Variants in MTRR observed in about 807,000 individuals in gnomAD.
MTRR encodes 5-methyltetrahydrofolate-homocysteine methyltransferase reductase.
MTRR carries 63 observed loss-of-function variants against 79.2 expected under a neutral mutation model. The ratio of observed to expected loss-of-function variants is 0.80; its 90% CI spans 0.65 to 0.98. The LOEUF is 0.98. Among genes scored for constraint, MTRR ranks in the 50% least tolerant of loss-of-function variants. The probability of loss-of-function intolerance (pLI) is 0.00; values close to 1 mark genes in which losing one functional copy is unlikely to be tolerated. For missense variants in MTRR, 895 were observed against 839.6 expected, an observed-to-expected ratio of 1.07 and a Z score of -0.82; for synonymous variants, 355 against 313.3, an observed-to-expected ratio of 1.13 and a Z score of -1.41.
intron 4 of MTRR, 128 bp downstream of exon 4, chr5:7,875,503 A>G: frequency 1.1e-6 from 1 of 890,762 alleles, no homozygotes; most frequent in South Asian, 1.3e-5. Context: ...TCGCTTTTTT[A>G]GCTTTAGGAT....
chr5:7,894,785 C>T (rs138561153), intron 11 of MTRR, among the ~76,000 whole-genome samples: 2,548 of 152,294 alleles, frequency 0.017, 33 homozygotes, highest in Non-Finnish European at 0.025. Flanking sequence ...ATTTTCTTTT[C>T]CTTCCACTAG....
upstream of MTRR, chr5:7,867,288 A>G (rs185535191): frequency 6.2e-7 from 1 of 1,613,624 alleles, no homozygotes; most frequent in South Asian, 1.1e-5. Flanking sequence ...TTTTCAGTAC[A>G]TGCCTGCAAG....
upstream of MTRR, chr5:7,868,226 A>G (rs1747193345): frequency 1.7e-6 from 1 of 600,044 alleles, no homozygotes; most frequent in Non-Finnish European, 2.8e-6. Context: ...AAAAAAAAGG[A>G]TGGTTAACAT....
chr5:7,868,139 A>C, upstream of MTRR: 1 of 1,185,844 alleles, frequency 8.4e-7, no homozygotes. Context: ...CACATGGTTA[A>C]ATACATTGAG....
At position 7,880,888 on chromosome 5, in the gene MTRR, T is replaced by C. The variant is rs546959737; in HGVS notation, c.781-2267T>C. 5.3e-5 allele frequency among the ~76,000 whole-genome samples: 8 copies of C among 152,296 alleles called. No homozygotes were observed. The South Asian group carries it at 1.7e-3, about 32-fold the overall frequency. On this transcript the variant is annotated intron_variant, in intron 5 of 14. Coordinates refer to ENST00000440940, the MANE Select transcript of MTRR (RefSeq NM_002454.3). Reference sequence around the variant, plus strand: ...GGTAACAACATTCATTTGAACCCCCTCTTAACAGACCCTGGAATGTTTGCA... The same window carrying C: ...GGTAACAACATTCATTTGAACCCCCCCTTAACAGACCCTGGAATGTTTGCA...
chr5:7,872,831 C>G lies in MTRR; in HGVS notation c.130-542C>G, dbSNP rs545391202. On this transcript the variant is annotated intron_variant, in intron 2 of 14. Coordinates refer to ENST00000440940, the MANE Select transcript of MTRR (RefSeq NM_002454.3). ...CCCATCCCCATTTTAACACCTCTTT[C>G]CTTGCTTTTTTTTACTTTCTTATGA... 8.5e-5 allele frequency among the ~76,000 whole-genome samples: 13 copies of G among 152,258 alleles called. No homozygotes were observed. In the South Asian group the frequency reaches 1.9e-3, roughly 22 times the overall value.
At position 7,896,708 on chromosome 5, in the gene MTRR, G is replaced by A. The variant is rs956462316; in HGVS notation, c.1677-156G>A. 36 of 691,952 alleles carry A rather than the reference G, an allele frequency of 5.2e-5. 4 individuals carry two copies. In the South Asian group the frequency reaches 6.2e-4, roughly 12 times the overall value. 42.9% of individuals were successfully genotyped at this position (691,952 alleles called of 1,614,324 possible). A position where few individuals can be genotyped will look rare whatever the true frequency, so the allele number is the denominator to read the frequency against. ...TCTGCTCGAGTGGCCATGACAGCCT[G>A]TGGAGAGTAAAATGCTAATTAAATG... On this transcript the variant is annotated intron_variant, in intron 12 of 14. Transcript: ENST00000440940.
chr5:7,870,353 C>T, intron 1 of MTRR: 1 of 212,034 alleles, frequency 4.7e-6, no homozygotes, highest in Non-Finnish European at 9.6e-6. Flanking sequence ...CTATTTAAGA[C>T]TGTTGTGAAT....
chr5:7,861,365 T>C (rs1746518016), intron 1 of MTRR: 1 of 621,408 alleles, frequency 1.6e-6, no homozygotes, highest in East Asian at 3.0e-5. Context: ...TGGCTATTAC[T>C]ATGTGCCAAT....
chr5:7,861,559 G>A (rs1746538640), intron 1 of MTRR: 2 of 1,524,278 alleles, frequency 1.3e-6, no homozygotes, highest in Non-Finnish European at 1.8e-6. Flanking sequence ...CTTGTAATGT[G>A]AAAAACACAA....
intron 10 of MTRR, 37 bp downstream of exon 10, chr5:7,891,451 T>C: frequency 1.3e-6 from 2 of 1,548,902 alleles, no homozygotes; most frequent in African/African-American, 2.7e-5. Flanking sequence ...TAGCATTGTT[T>C]CTCCAAAATC....
chr5:7,862,909 C>T (rs1356735865), intron 2 of MTRR: 8 of 1,614,054 alleles, frequency 5.0e-6, no homozygotes, highest in Non-Finnish European at 6.8e-6. Flanking sequence ...CTTCACATAT[C>T]TATAAAGCTG....
intron 1 of MTRR, among the ~76,000 whole-genome samples, chr5:7,854,401 C>G (rs976204190): frequency 6.6e-6 from 1 of 151,902 alleles, no homozygotes. Flanking sequence ...GGAGTATTAA[C>G]TCACGTGATC....
intron 8 of MTRR, among the ~76,000 whole-genome samples, chr5:7,887,460 GT>G (rs1217078375): frequency 6.6e-6 from 1 of 150,984 alleles, no homozygotes; most frequent in Non-Finnish European, 1.5e-5. Flanking sequence ...TTTTCGTGTC[GT>G]TTTATTAATG....
rs1720073454 is a variant in MTRR at position 7,895,628 on chromosome 5, T to C, written c.1558-106T>C. On this transcript the variant is annotated intron_variant, in intron 11 of 14. Coordinates refer to ENST00000440940, the MANE Select transcript of MTRR (RefSeq NM_002454.3). Reference sequence around the variant, plus strand: ...GATGCCACTATTTAGTGATGTTTCTTTGATGGGAATTTTCCCTTTCTGATT... The same window carrying C: ...GATGCCACTATTTAGTGATGTTTCTCTGATGGGAATTTTCCCTTTCTGATT... 3 of 1,430,596 alleles carry C rather than the reference T, an allele frequency of 2.1e-6. No homozygotes were observed. The African/African-American group carries it at 4.2e-5, about 20-fold the overall frequency. 88.6% of individuals were successfully genotyped at this position (1,430,596 alleles called of 1,614,324 possible). A position where few individuals can be genotyped will look rare whatever the true frequency, so the allele number is the denominator to read the frequency against.
intron 1 of MTRR, among the ~76,000 whole-genome samples, chr5:7,856,129 G>A (rs568955372): frequency 1.7e-4 from 26 of 152,278 alleles, no homozygotes; most frequent in Non-Finnish European, 3.5e-4. Context: ...CTAAGAAGCC[G>A]ATTCAGGTCC....
chr5:7,859,599 T>G, intron 1 of MTRR: 1 of 1,097,454 alleles, frequency 9.1e-7, no homozygotes, highest in Admixed American at 2.2e-5. Flanking sequence ...TTCCTCTGGC[T>G]ATTGGTTACT....
upstream of MTRR, among the ~76,000 whole-genome samples, chr5:7,864,397 G>A (rs955768083): frequency 7.2e-5 from 11 of 152,022 alleles, no homozygotes; most frequent in African/African-American, 2.7e-4. Flanking sequence ...TCATGCTCTT[G>A]AGATAGGAAC....
rs1188849432 is a variant in MTRR, at chr5:7,870,931, C to A, written c.129+8C>A. ...ATTAGTGAATCCGATAAGGTTAGAG[C>A]CGTTACAGTGGATTTTACCGTTTTG... On this transcript the variant is annotated splice_region_variant and intron_variant, in intron 2 of 14. Transcript: ENST00000440940. 3 of 1,613,968 alleles carry A rather than the reference C, an allele frequency of 1.9e-6. No individual in the cohort carries two copies.
Sources: gnomAD v4.1 joint callset for allele counts (sites outside exome capture counted in the v4.1 genomes callset) on GRCh38, gnomAD v4.1.1 for gene constraint, MANE v1.5 for transcripts, NCBI Gene and HGNC (gene_info 2026-07-23, HGNC 2026-07-21) for gene names.